Variants in AP1G2 observed in about 807,000 individuals in gnomAD.
AP1G2 encodes adaptor related protein complex 1 subunit gamma 2.
A neutral mutation model predicts 95.8 loss-of-function variants in AP1G2; 85 were observed. That is an observed-to-expected ratio of 0.89 (90% CI 0.74 to 1.06). The LOEUF (loss-of-function observed/expected upper bound fraction) is 1.06, where lower values mean the gene tolerates loss of function less well. Ranked by LOEUF, AP1G2 falls within the 50% of genes least tolerant of loss-of-function variation. AP1G2 has a pLI of 0.00. For synonymous variants in AP1G2, 378 were observed against 400.0 expected (o/e 0.94, Z 0.66); for missense variants, 967 against 1,005.8 (o/e 0.96, Z 0.52).
intron 10 of AP1G2, 76 bp downstream of exon 10, chr14:23,564,257 A>G (rs752408996): frequency 1.2e-6 from 2 of 1,613,682 alleles, no homozygotes; most frequent in Non-Finnish European, 1.7e-6. Flanking sequence ...GAAATGGATC[A>G]GGAGGCTCTG....
intron 10 of AP1G2, 58 bp from the exon 11 acceptor site, chr14:23,564,217 C>G: frequency 6.2e-7 from 1 of 1,611,984 alleles, no homozygotes; most frequent in Non-Finnish European, 8.5e-7. Context: ...ACTCCCCGTC[C>G]TGTCCTGGGT....
At chr14:23,560,094 C>T (rs1883435327) in intron 20 of AP1G2, 58 bp from the exon 21 acceptor site, 1 of 1,430,540 alleles carries the variant, frequency 7.0e-7, no homozygotes, top group African/African-American at 1.4e-5. Flanking sequence ...CAGGCAGCCC[C>T]TCTATACTCA....
At chr14:23,563,549 C>T in intron 13 of AP1G2, 35 bp downstream of exon 13, 1 of 1,614,250 alleles carries the variant, frequency 6.2e-7, no homozygotes, top group African/African-American at 1.3e-5. Flanking sequence ...ATCTTGACCA[C>T]TTCTGCCCAG....
rs145565323 is a variant in AP1G2 at position 23,566,455 on chromosome 14, G to C, written c.330-36C>G. 3.1e-6 allele frequency: 5 copies of C among 1,608,658 alleles called. No individual in the cohort carries two copies. In the Admixed American group the frequency reaches 8.4e-5, roughly 27 times the overall value. ...TGGGAGGACGGTCAGTCAAACCTCT[G>C]AGAAAATCAGTCCTTTTCAATACCC... is the stretch of plus-strand genomic sequence containing the variant. On this transcript the variant is annotated intron_variant, in intron 3 of 21. Transcript: ENST00000397120.
intron 14 of AP1G2, 196 bp from the exon 15 acceptor site, chr14:23,562,789 G>T: frequency 1.6e-6 from 1 of 626,352 alleles, no homozygotes; most frequent in Non-Finnish European, 2.7e-6. Flanking sequence ...ACACTGCTGG[G>T]CCAGTGTCTG....
Position 23,562,302 on chromosome 14 carries a change from G to A in AP1G2, c.1614C>T (p.Leu538=), listed in dbSNP as rs1052189238. ...CCCCTTCTTACTTGTTGTCCCCACAGAGGCGAGTGCTGAGCTTCATGAGGG... is the reference window on the plus strand; with the variant it reads ...CCCCTTCTTACTTGTTGTCCCCACAAAGGCGAGTGCTGAGCTTCATGAGGG... The part of the protein sequence containing the change: ...LTALMKLSTR[L]CGDNNRIRQV... Residue 538 remains leucine (L), a synonymous_variant, in exon 16 of 22, where the codon CTC becomes CTT. Transcript: ENST00000397120. The A allele has an allele frequency of 1.2e-6, 2 of 1,614,220 alleles. No homozygotes were observed. The highest frequency in any genetic ancestry group is 3.3e-5 in the Admixed American group (2 of 60,034).
chr14:23,560,069 G>A (rs1206250588), intron 20 of AP1G2, 33 bp from the exon 21 acceptor site: 3 of 1,490,270 alleles, frequency 2.0e-6, no homozygotes, highest in Non-Finnish European at 2.8e-6. Context: ...GCACAGTATG[G>A]CAGTAGGTAG....
In AP1G2 at chr14:23,560,593, T is replaced by TA. The variant is rs558052145; in HGVS notation, c.1994-176dup. On this transcript the variant is annotated intron_variant, in intron 19 of 21. Transcript: ENST00000397120. ...ACTGTCTAATGGGGGAGAGAAACAA[T>TA]AAAAAAAGGCCGGGCGTGAGCCAGT... 6 of 603,420 alleles carry TA rather than the reference T, an allele frequency of 9.9e-6. No individual in the cohort carries two copies. The Admixed American group carries it at 1.1e-4, about 12-fold the overall frequency. The allele number at this position is 603,420 out of a possible 1,614,324, so 37.4% of individuals were successfully genotyped here. A position where few individuals can be genotyped will look rare whatever the true frequency, so the allele number is the denominator to read the frequency against.
intron 10 of AP1G2, 39 bp from the exon 11 acceptor site, chr14:23,564,198 T>A: frequency 6.2e-7 from 1 of 1,612,154 alleles, no homozygotes; most frequent in Non-Finnish European, 8.5e-7. Context: ...ACCATGGCCA[T>A]CAGCCCCCAC....
Position 23,567,543 on chromosome 14 carries a change from A to G in AP1G2, c.-6+196T>C. The G allele has an allele frequency of 1.5e-6, 2 of 1,336,710 alleles. No individual in the cohort carries two copies. Among genetic ancestry groups the G allele is most frequent in the Non-Finnish European group, 1.9e-6 (2 of 1,050,776 alleles). 82.8% of individuals were successfully genotyped at this position (1,336,710 alleles called of 1,614,324 possible). A position where few individuals can be genotyped will look rare whatever the true frequency, so the allele number is the denominator to read the frequency against. ...CCGCACCCCACCGGCGCCCCTTCCT[A>G]TTGAGCATGCGCGGGAGCCCCACCT... On this transcript the variant is annotated intron_variant, in intron 1 of 21. Coordinates refer to ENST00000397120, the MANE Select transcript of AP1G2 (RefSeq NM_003917.5). The surrounding 1 kb of genome is among the most constrained non-coding windows in gnomAD (Gnocchi z 5.3).
rs756502368 is a variant in AP1G2, at chr14:23,559,775, T to C, written c.2332A>G (p.Asn778Asp). ...QSVQEIFEVN[N>D]LPVESWQ ...TACTGCCACGATTCCACAGGCAAGT[T>C]GTTCACCTCAAAGATCTCCTGCACC... Residue 778 changes from asparagine to aspartate, a missense_variant, in exon 22 of 22, where the codon AAC (asparagine) becomes GAC (aspartate). By Grantham distance (23) the Asn-to-Asp change is conservative (BLOSUM62 1). Coordinates refer to ENST00000397120, the MANE Select transcript of AP1G2 (RefSeq NM_003917.5). 3 of 1,614,104 alleles carry C rather than the reference T, an allele frequency of 1.9e-6. No individual in the cohort carries two copies. The South Asian group carries it at 3.3e-5, about 18-fold the overall frequency.
At chr14:23,561,161 C>A in intron 19 of AP1G2, 135 bp downstream of exon 19, 1 of 1,411,966 alleles carries the variant, frequency 7.1e-7, no homozygotes, top group Non-Finnish European at 9.2e-7. Context: ...CATTCTTTTA[C>A]CTCCTGAGAT....
Position 23,561,501 on chromosome 14 carries a change from A to C in AP1G2, c.1857+11T>G, listed in dbSNP as rs775427060. 23 of 1,614,038 alleles carry C rather than the reference A, an allele frequency of 1.4e-5. No homozygotes were observed. The highest frequency in any genetic ancestry group is 1.8e-5 in the Non-Finnish European group (21 of 1,180,024). ...CCCGTCTTCCTACCCCAGAGTTTCTAGCCTTCTCACCTGGGGCTCTGTGGG... is the reference window on the plus strand; with the variant it reads ...CCCGTCTTCCTACCCCAGAGTTTCTCGCCTTCTCACCTGGGGCTCTGTGGG... On this transcript the variant is annotated intron_variant, in intron 18 of 21. Coordinates refer to ENST00000397120, the MANE Select transcript of AP1G2 (RefSeq NM_003917.5).
rs1376624296 is a variant in AP1G2, at chr14:23,560,356, G to A, written c.2056C>T (p.Arg686Ter). The A allele has an allele frequency of 1.1e-5, 17 of 1,613,952 alleles. No individual in the cohort carries two copies. The highest frequency in any genetic ancestry group is 1.3e-5 in the Non-Finnish European group (15 of 1,180,014). Residue 686 changes from arginine (R) to a stop codon, truncating the protein, a stop_gained, in exon 20 of 22, where the codon CGA (arginine) becomes TGA (stop). Coordinates refer to ENST00000397120, the MANE Select transcript of AP1G2 (RefSeq NM_003917.5). LOFTEE classifies it high-confidence loss of function. ...EGVQLNLSFI[R>*]PPENPALLLI... ...AGCAAAGCAGGGTTTTCAGGGGGTC[G>A]AATGAAAGACAGATTCAGCTGTACT... is the stretch of plus-strand genomic sequence containing the variant.
intron 17 of AP1G2, 67 bp from the exon 18 acceptor site, chr14:23,561,702 T>C (rs1031866152): frequency 3.0e-5 from 48 of 1,588,842 alleles, no homozygotes; most frequent in Non-Finnish European, 3.4e-5. Context: ...GCATCTAGGA[T>C]GAGGACTAGG....
intron 5 of AP1G2, 30 bp downstream of exon 5, chr14:23,566,034 A>G: frequency 6.2e-7 from 1 of 1,614,118 alleles, no homozygotes; most frequent in Non-Finnish European, 8.5e-7. Context: ...ATAGACCTGA[A>G]GCAAAGGATG....
chr14:23,561,972 C>G lies in AP1G2; in HGVS notation c.1723G>C (p.Asp575His). 1 of 1,610,308 alleles carries G rather than the reference C, an allele frequency of 6.2e-7. No homozygotes were observed. Among genetic ancestry groups the G allele is most frequent in the South Asian group, 1.1e-5 (1 of 90,382 alleles). Residue 575 changes from aspartate to histidine, a missense_variant, in exon 17 of 22, where the codon GAC becomes CAC. By Grantham distance (81) the Asp-to-His change is moderately conservative. Transcript: ENST00000397120. ...CAGTGCTGGACACACCTCATGTGGT[C>G]GTATTTCCGGAAGAGTGTGTCATAC... ...VEYDTLFRKY[D>H]HMRAAILEKM...
rs1883456216 is a variant in AP1G2, at chr14:23,560,115, A to C, written c.2158-79T>G. Reference sequence around the variant, plus strand: ...GCCCCTCTATACTCAGTGGCTCCACACCCTTTTCCTGTAACTCCCCAAGTG... The same window carrying C: ...GCCCCTCTATACTCAGTGGCTCCACCCCCTTTTCCTGTAACTCCCCAAGTG... On this transcript the variant is annotated intron_variant, in intron 20 of 21. Coordinates refer to ENST00000397120, the MANE Select transcript of AP1G2 (RefSeq NM_003917.5). 3 of 1,412,840 alleles carry C rather than the reference A, an allele frequency of 2.1e-6. No individual in the cohort carries two copies. In the African/African-American group the frequency reaches 4.3e-5, roughly 20 times the overall value. The allele number at this position is 1,412,840 out of a possible 1,614,324, so 87.5% of individuals were successfully genotyped here.
chr14:23,560,013 G>T lies in AP1G2; in HGVS notation c.2181C>A (p.Ala727=), dbSNP rs200801271. 102 of 1,610,272 alleles carry T rather than the reference G, an allele frequency of 6.3e-5. No homozygotes were observed. Among genetic ancestry groups the T allele is most frequent in the Non-Finnish European group, 8.3e-5 (98 of 1,177,708 alleles). Residue 727 remains alanine, a synonymous_variant, in exon 21 of 22, where the codon GCC becomes GCA. Coordinates refer to ENST00000397120, the MANE Select transcript of AP1G2 (RefSeq NM_003917.5). ...GAGCTGGAACTGTGTTCCCACTGGG[G>T]GCCTGCAGCTGCAGCTGGAGACTCT... The part of the protein sequence containing the change: ...VPKSLQLQLQ[A]PSGNTVPARG...
Sources: gnomAD v4.1 joint callset for allele counts on GRCh38, gnomAD v4.1.1 for gene constraint, Gnocchi (gnomAD v3.1) non-coding constraint, MANE v1.5 for transcripts, NCBI Gene and HGNC (gene_info 2026-07-23, HGNC 2026-07-21) for gene names.